STK32B: variants seen among roughly 807,000 people sequenced by gnomAD.
The protein encoded by STK32B is serine/threonine kinase 32B, also known as serine/threonine-protein kinase 32B.
In STK32B, 43 loss-of-function variants were observed where a neutral mutation model predicts 52.6. That is an observed-to-expected ratio of 0.82 (90% confidence interval 0.64 to 1.05). STK32B has a LOEUF of 1.05. STK32B is among the 50% of genes least tolerant of loss of function. The probability of loss-of-function intolerance (pLI) is 0.00; values close to 1 mark genes in which losing one functional copy is unlikely to be tolerated. For synonymous variants in STK32B, 238 were observed against 204.3 expected (o/e 1.17, Z -1.41); for missense variants, 621 against 534.6 (o/e 1.16, Z -1.59).
Position 5,404,441 on chromosome 4 carries a change from A to G in STK32B, c.472+6197A>G, listed in dbSNP as rs139196082. Among the ~76,000 whole-genome samples, 449 of 152,272 alleles carry G rather than the reference A, an allele frequency of 2.9e-3. 5 individuals carry two copies. Among genetic ancestry groups the G allele is most frequent in the African/African-American group, 0.01 (418 of 41,534 alleles). On this transcript the variant is annotated intron_variant, in intron 5 of 11. Transcript: ENST00000282908. ...GCCCATTTCAATATGACTTCATCATAATGTGTGTATATAAGCAAGTATTAG... is the reference window on the plus strand; with the variant it reads ...GCCCATTTCAATATGACTTCATCATGATGTGTGTATATAAGCAAGTATTAG...
intron 1 of STK32B, among the ~76,000 whole-genome samples, chr4:5,111,827 G>C (rs1714423057): frequency 6.6e-6 from 1 of 152,134 alleles, no homozygotes; most frequent in South Asian, 2.1e-4. Flanking sequence ...CTTACAAGCA[G>C]ATTCTGAGAC....
chr4:5,357,110 C>T (rs74852133), intron 4 of STK32B, among the ~76,000 whole-genome samples: 4,217 of 146,280 alleles, frequency 0.029, 149 homozygotes, highest in East Asian at 0.11. Flanking sequence ...CACACACACA[C>T]ATATATATAC....
At chr4:5,234,155 G>A (rs1724461026) in intron 3 of STK32B, among the ~76,000 whole-genome samples, 1 of 152,232 alleles carries the variant, frequency 6.6e-6, no homozygotes, top group South Asian at 2.1e-4. Context: ...AGTAGGAAAT[G>A]AGGTTAGATT....
intron 3 of STK32B, among the ~76,000 whole-genome samples, chr4:5,171,007 T>G (rs1719326227): frequency 6.6e-6 from 1 of 152,210 alleles, no homozygotes; most frequent in Non-Finnish European, 1.5e-5. Flanking sequence ...TTCTAACTGG[T>G]GTGAGATGGT....
At chr4:5,116,280 C>T (rs902783191) in intron 1 of STK32B, among the ~76,000 whole-genome samples, 1 of 152,114 alleles carries the variant, frequency 6.6e-6, no homozygotes. Flanking sequence ...CACACAGGCT[C>T]TGTACTTAGA....
rs190100492 is a variant in STK32B at position 5,213,123 on chromosome 4, G to A, written c.260+44673G>A. On this transcript the variant is annotated intron_variant, in intron 3 of 11. Coordinates refer to ENST00000282908, the MANE Select transcript of STK32B (RefSeq NM_018401.3). ...TTCAGGACACTTTTAACCCATTATTGCTTTTCACTGTGATTTAATTCTGGG... is the reference window on the plus strand; with the variant it reads ...TTCAGGACACTTTTAACCCATTATTACTTTTCACTGTGATTTAATTCTGGG... 2.6e-5 allele frequency among the ~76,000 whole-genome samples: 4 copies of A among 152,206 alleles called. No homozygotes were observed. The East Asian group carries it at 7.7e-4, about 29-fold the overall frequency.
In STK32B at chr4:5,453,488, G is replaced by A. The variant is rs967475338; in HGVS notation, c.667-3319G>A. 6.6e-6 allele frequency among the ~76,000 whole-genome samples: 1 copy of A among 152,174 alleles called. No homozygotes were observed. Among genetic ancestry groups the A allele is most frequent in the Non-Finnish European group, 1.5e-5 (1 of 68,032 alleles). The stretch of plus-strand genomic sequence containing the variant: ...GCCTCAGTTTCCTGACGTTTGAAAT[G>A]AGGGATGAAGTGCCCCATCATTGTC... On this transcript the variant is annotated intron_variant, in intron 7 of 11. Coordinates refer to ENST00000282908, the MANE Select transcript of STK32B (RefSeq NM_018401.3). The surrounding 1 kb of genome is among the most constrained non-coding windows in gnomAD (Gnocchi z 4.0).
rs58332225 is a variant in STK32B, at chr4:5,470,667, C to T, written c.1106+2597C>T. On this transcript the variant is annotated intron_variant, in intron 11 of 11. Transcript: ENST00000282908. This position sits in a 1 kb window ranked among gnomAD's most constrained non-coding sequence, Gnocchi z 4.6. Reference sequence around the variant, plus strand: ...TGGGAAGAGAGCCATGCTCCATCTACCCACAGTCCTCCCTTGCTGCAGTTT... The same window carrying T: ...TGGGAAGAGAGCCATGCTCCATCTATCCACAGTCCTCCCTTGCTGCAGTTT... 0.053 allele frequency among the ~76,000 whole-genome samples: 8,049 copies of T among 152,204 alleles called. 385 individuals carry two copies. Among genetic ancestry groups the T allele is most frequent in the African/African-American group, 0.13 (5,358 of 41,514 alleles).
At chr4:5,128,220 C>T (rs1472362921) in intron 1 of STK32B, among the ~76,000 whole-genome samples, 2 of 152,290 alleles carry the variant, frequency 1.3e-5, no homozygotes, top group African/African-American at 4.8e-5. Context: ...AACTGTGAGG[C>T]AATGAATTTC....
In STK32B at chr4:5,108,377, G is replaced by A. The variant is rs543799517; in HGVS notation, c.53-31528G>A. Among the ~76,000 whole-genome samples the A allele has an allele frequency of 3.9e-5, 6 of 152,174 alleles. No homozygotes were observed. In the East Asian group the frequency reaches 7.7e-4, roughly 20 times the overall value. ...AGTTTTTTGGATATTCATTTTGGAG[G>A]GGAATTGCCAGGTCACGTGTAAATT... On this transcript the variant is annotated intron_variant, in intron 1 of 11. Coordinates refer to ENST00000282908, the MANE Select transcript of STK32B (RefSeq NM_018401.3).
At chr4:5,048,419 C>T (rs1741658192), upstream of STK32B, among the ~76,000 whole-genome samples, 1 of 151,922 alleles carries the variant, frequency 6.6e-6, no homozygotes, top group African/African-American at 2.4e-5. Context: ...GCCTCAGCCT[C>T]CCGAGTAGCT....
chr4:5,498,953 G>A lies in STK32B; in HGVS notation c.1115G>A (p.Arg372Lys), dbSNP rs747195248. 2 of 1,612,158 alleles carry A rather than the reference G, an allele frequency of 1.2e-6. No individual in the cohort carries two copies. Among genetic ancestry groups the A allele is most frequent in the East Asian group, 2.2e-5 (1 of 44,740 alleles). ...FIIFNREKLR[R>K]QQGQGSQLLD... ...TCTGTGCTTGTTTGCAGGCTCAGGA[G>A]GCAGCAGGGACAGGGCAGCCAGCTC... Residue 372 changes from arginine to lysine, a missense_variant, in exon 12 of 12, where the codon AGG (arginine) becomes AAG (lysine). Coordinates refer to ENST00000282908, the MANE Select transcript of STK32B (RefSeq NM_018401.3).
At chr4:5,374,903 T>C (rs544354943) in intron 4 of STK32B, among the ~76,000 whole-genome samples, 1 of 152,308 alleles carries the variant, frequency 6.6e-6, no homozygotes, top group Admixed American at 6.5e-5. Flanking sequence ...ACAATGTCTG[T>C]TCTTTCTTCC....
chr4:5,477,991 T>G (rs901878571), intron 11 of STK32B, among the ~76,000 whole-genome samples: 1 of 151,968 alleles, frequency 6.6e-6, no homozygotes, highest in African/African-American at 2.4e-5. Context: ...CAGCCTCACC[T>G]CCGAGTCTAG....
intron 1 of STK32B, among the ~76,000 whole-genome samples, chr4:5,113,188 T>G (rs1256302999): frequency 1.3e-5 from 2 of 152,106 alleles, no homozygotes; most frequent in Non-Finnish European, 2.9e-5. Context: ...ACGAATGGGA[T>G]TAGTGTCCTT....
rs1483364200 is a variant in STK32B at position 5,400,140 on chromosome 4, A to C, written c.472+1896A>C. 3.3e-5 allele frequency among the ~76,000 whole-genome samples: 5 copies of C among 152,194 alleles called. No individual in the cohort carries two copies. Among genetic ancestry groups the C allele is most frequent in the African/African-American group, 1.2e-4 (5 of 41,446 alleles). ...GACACAGAGAGTATGGGGGTAACCC[A>C]GGACTGCCTGGCTTCATAGTTCTGG... On this transcript the variant is annotated intron_variant, in intron 5 of 11. Coordinates refer to ENST00000282908, the MANE Select transcript of STK32B (RefSeq NM_018401.3). The surrounding 1 kb of genome is among the most constrained non-coding windows in gnomAD (Gnocchi z 6.1).
At chr4:5,462,886 G>A (rs1161999743) in intron 9 of STK32B, among the ~76,000 whole-genome samples, 1 of 152,230 alleles carries the variant, frequency 6.6e-6, no homozygotes, top group African/African-American at 2.4e-5. Flanking sequence ...GGGTTTTGTG[G>A]AGCCATAAGC....
chr4:5,342,075 T>C (rs557435915), intron 4 of STK32B, among the ~76,000 whole-genome samples: 3 of 151,918 alleles, frequency 2.0e-5, no homozygotes, highest in African/African-American at 7.3e-5. Flanking sequence ...TGTGGAGATA[T>C]AGGAACGGTT....
At chr4:5,135,236 A>G (rs1270527446) in intron 1 of STK32B, among the ~76,000 whole-genome samples, 2 of 152,254 alleles carry the variant, frequency 1.3e-5, no homozygotes, top group African/African-American at 4.8e-5. Context: ...GATACCATGT[A>G]CAACACTATG....
Sources: allele counts gnomAD v4.1 joint callset (sites outside exome capture counted in the v4.1 genomes callset), GRCh38; gene constraint gnomAD v4.1.1; non-coding constraint Gnocchi (gnomAD v3.1); transcripts MANE v1.5; gene names NCBI Gene and HGNC (gene_info 2026-07-23, HGNC 2026-07-21).